Variants in MTMR3 observed in about 807,000 individuals in gnomAD.
The protein encoded by MTMR3 is myotubularin related protein 3.
A neutral mutation model predicts 132.4 loss-of-function variants in MTMR3; 32 were observed. That is an observed-to-expected ratio of 0.24 (90% CI 0.18 to 0.32). The LOEUF is 0.32. MTMR3 is among the 10% of genes least tolerant of loss of function. MTMR3 has a pLI of 1.00. For synonymous variants in MTMR3, 556 were observed against 550.3 expected, an observed-to-expected ratio of 1.01 and a Z score of -0.14; for missense variants, 1,216 against 1,489.6, an observed-to-expected ratio of 0.82 and a Z score of 3.02.
At chr22:29,983,908 A>G (rs1295648104) in intron 5 of MTMR3, 1 of 151,936 alleles carries the variant, frequency 6.6e-6, no homozygotes, top group Non-Finnish European at 1.5e-5. Context: ...AAGTGCTGGG[A>G]TTACAGATGT....
chr22:30,007,471 C>G, intron 10 of MTMR3, 152 bp downstream of exon 10: 1 of 745,428 alleles, frequency 1.3e-6, no homozygotes, highest in Non-Finnish European at 2.2e-6. Context: ...AGTCATGGGT[C>G]TTGGCAGAGA....
intron 1 of MTMR3, among the ~76,000 whole-genome samples, chr22:29,897,589 A>G (rs948878693): frequency 5.9e-5 from 9 of 151,618 alleles, no homozygotes; most frequent in African/African-American, 1.2e-4. Context: ...AGTAGCTGGG[A>G]TTACAGGAGC....
chr22:29,926,513 T>C (rs2065520645), intron 1 of MTMR3, among the ~76,000 whole-genome samples: 1 of 152,222 alleles, frequency 6.6e-6, no homozygotes, highest in Non-Finnish European at 1.5e-5. Flanking sequence ...TCAGCAATTA[T>C]TAGGATTTTA....
At chr22:29,931,787 T>TG (rs2065651562) in intron 1 of MTMR3, among the ~76,000 whole-genome samples, 1 of 151,164 alleles carries the variant, frequency 6.6e-6, no homozygotes, top group African/African-American at 2.5e-5. Flanking sequence ...ATCCTTTTTT[T>TG]TTTTTTTTTT....
At chr22:29,932,909 T>G (rs1363173610) in intron 1 of MTMR3, among the ~76,000 whole-genome samples, 1 of 152,184 alleles carries the variant, frequency 6.6e-6, no homozygotes, top group African/African-American at 2.4e-5. Context: ...TAGAGTAAGT[T>G]GGAAGCACTG....
At chr22:29,986,727 G>A (rs920167111) in intron 5 of MTMR3, 4 of 349,394 alleles carry the variant, frequency 1.1e-5, no homozygotes, top group African/African-American at 6.7e-5. Flanking sequence ...GCAATGACAC[G>A]ATCTCAGCTT....
Position 30,026,172 on chromosome 22 carries a change from C to T in MTMR3, c.*371C>T, listed in dbSNP as rs2067907495. 1.3e-5 allele frequency: 3 copies of T among 228,952 alleles called. No homozygotes were observed. The South Asian group carries it at 2.4e-4, about 18-fold the overall frequency. 14.2% of individuals were successfully genotyped at this position (228,952 alleles called of 1,614,324 possible). A position where few individuals can be genotyped will look rare whatever the true frequency, so the allele number is the denominator to read the frequency against. On this transcript the variant is annotated 3_prime_UTR_variant, in exon 20 of 20. Transcript: ENST00000401950. ...CGGGTGGGAGGATGGTGGTCAGAGC[C>T]AGGAGTATGGAGATCTGAGACCGTG...
At chr22:29,922,857 GTAGTTTTGACTC>G (rs557937595) in intron 1 of MTMR3, among the ~76,000 whole-genome samples, 11 of 150,726 alleles carry the variant, frequency 7.3e-5, no homozygotes, top group South Asian at 2.1e-4. Context: ...GTATCTAATT[GTAGTTTTGACTC>G]ACATTTCCCT....
Position 29,904,699 on chromosome 22 carries a change from G to C in MTMR3, c.-138+21340G>C, listed in dbSNP as rs944185118. Among the ~76,000 whole-genome samples the C allele has an allele frequency of 1.4e-4, 21 of 152,318 alleles. No homozygotes were observed. In the East Asian group the frequency reaches 3.9e-3, roughly 28 times the overall value. ...CATCCTCTTTCCCCTAAGGATCTGT[G>C]TTAAGAGTTGAAAGACAATAAATGT... On this transcript the variant is annotated intron_variant, in intron 1 of 19. Coordinates refer to ENST00000401950, the MANE Select transcript of MTMR3 (RefSeq NM_021090.4).
chr22:30,016,429 G>A (rs530009205), intron 14 of MTMR3, 99 bp from the exon 15 acceptor site: 2 of 1,343,932 alleles, frequency 1.5e-6, no homozygotes, highest in South Asian at 2.8e-5. Flanking sequence ...GTAAATTGAA[G>A]TGTTCTCAGG....
At chr22:29,956,901 A>G (rs1005116635) in intron 1 of MTMR3, 135 bp from the exon 2 acceptor site, 1 of 152,280 alleles carries the variant, frequency 6.6e-6, no homozygotes, top group Non-Finnish European at 1.5e-5. Flanking sequence ...TAAATACTCC[A>G]TGTTGCACCA....
chr22:29,937,203 G>A (rs1683019205), intron 1 of MTMR3, among the ~76,000 whole-genome samples: 1 of 151,794 alleles, frequency 6.6e-6, no homozygotes, highest in Non-Finnish European at 1.5e-5. Context: ...TATCATTAGG[G>A]CTGAATCTTA....
intron 1 of MTMR3, among the ~76,000 whole-genome samples, chr22:29,890,438 A>G (rs2064773909): frequency 6.6e-6 from 1 of 151,932 alleles, no homozygotes; most frequent in South Asian, 2.1e-4. Context: ...GAATCACTTG[A>G]ACCCAGGAGG....
intron 1 of MTMR3, among the ~76,000 whole-genome samples, chr22:29,946,583 T>A (rs1475402922): frequency 6.6e-6 from 1 of 152,164 alleles, no homozygotes; most frequent in Non-Finnish European, 1.5e-5. Flanking sequence ...CCGGAGGAAA[T>A]GATTTTTGTA....
chr22:29,883,969 A>G (rs978532865), intron 1 of MTMR3, among the ~76,000 whole-genome samples: 6 of 152,194 alleles, frequency 3.9e-5, no homozygotes, highest in Non-Finnish European at 7.3e-5. Flanking sequence ...TGCTCCGCAA[A>G]TGATTACAGT....
Position 29,998,784 on chromosome 22 carries a change from A to C in MTMR3, c.484A>C (p.Lys162Gln), listed in dbSNP as rs972850598. ...AGGGGAGCATGTAACTTCAAGGTTT[A>C]AAAACGAGGTGGAGAGGATGGGTTT... is the stretch of plus-strand genomic sequence containing the variant. ...RPGEHVTSRFKNEVERMGFDM... is the reference protein window; with the variant it reads ...RPGEHVTSRFQNEVERMGFDM... The change falls in exon 8 of 20, where the codon AAA becomes CAA. Residue 162 changes from lysine (K) to glutamine (Q), a missense_variant. Lys to Gln is a moderately conservative substitution (Grantham distance 53, BLOSUM62 1). This residue lies in a region of MTMR3 where 129 missense variants were observed against 245.7 expected (regional missense o/e 0.53). Coordinates refer to ENST00000401950, the MANE Select transcript of MTMR3 (RefSeq NM_021090.4). 2 of 1,612,770 alleles carry C rather than the reference A, an allele frequency of 1.2e-6. No homozygotes were observed. Among genetic ancestry groups the C allele is most frequent in the Non-Finnish European group, 1.7e-6 (2 of 1,179,350 alleles).
intron 1 of MTMR3, among the ~76,000 whole-genome samples, chr22:29,943,421 A>C (rs1602527312): frequency 1.3e-5 from 2 of 151,802 alleles, no homozygotes; most frequent in South Asian, 4.2e-4. Flanking sequence ...TCTCGATCTG[A>C]CCTCGTGATC....
At chr22:29,939,908 C>T (rs1451552246) in intron 1 of MTMR3, among the ~76,000 whole-genome samples, 1 of 152,170 alleles carries the variant, frequency 6.6e-6, no homozygotes, top group African/African-American at 2.4e-5. Context: ...GTTCCTGCCC[C>T]ACCCTAACTG....
chr22:29,978,795 T>A, intron 4 of MTMR3, 141 bp from the exon 5 acceptor site: 1 of 695,190 alleles, frequency 1.4e-6, no homozygotes, highest in South Asian at 1.8e-5. Flanking sequence ...AAACCCATCC[T>A]CTTTAGCTTC....
Sources: gnomAD v4.1 joint callset for allele counts (sites outside exome capture counted in the v4.1 genomes callset) on GRCh38, gnomAD v4.1.1 for gene constraint, gnomAD v4.1.1 regional missense constraint, MANE v1.5 for transcripts, NCBI Gene and HGNC (gene_info 2026-07-23, HGNC 2026-07-21) for gene names.